The following GRIK1 variants were observed in gnomAD, a reference collection of about 807,000 sequenced individuals.
GRIK1 encodes glutamate receptor ionotropic, kainate 1.
In GRIK1, 69 loss-of-function variants were observed where a neutral mutation model predicts 105.7. The ratio of observed to expected loss-of-function variants is 0.65; its 90% CI spans 0.54 to 0.80. The LOEUF is 0.80. GRIK1 is among the 30% of genes least tolerant of loss of function. The probability of loss-of-function intolerance (pLI) is 0.00; values close to 1 mark genes in which losing one functional copy is unlikely to be tolerated. For synonymous variants in GRIK1, 438 were observed against 431.3 expected, an observed-to-expected ratio of 1.02 and a Z score of -0.19; for missense variants, 1,109 against 1,167.3, an observed-to-expected ratio of 0.95 and a Z score of 0.73.
chr21:29,575,571 C>T (rs1337098307), intron 14 of GRIK1, among the ~76,000 whole-genome samples: 2 of 152,082 alleles, frequency 1.3e-5, no homozygotes, highest in African/African-American at 2.4e-5. Context: ...TAGTGGCTCA[C>T]GCTTGCAATT....
At chr21:29,593,776 T>C (rs1375464469) in intron 9 of GRIK1, among the ~76,000 whole-genome samples, 2 of 152,220 alleles carry the variant, frequency 1.3e-5, no homozygotes, top group Admixed American at 6.5e-5. Context: ...GGAACTACCG[T>C]AATATTTGAA....
chr21:29,669,042 G>T (rs558285969), intron 4 of GRIK1, among the ~76,000 whole-genome samples: 1 of 152,126 alleles, frequency 6.6e-6, no homozygotes, highest in African/African-American at 2.4e-5. Context: ...CATGAAGAAA[G>T]TTCATATGAA....
In GRIK1 at chr21:29,591,300, AC is replaced by A. The variant is rs530045112; in HGVS notation, c.1252-76del. ...TACACCAAAGAGAGGCCCCTTCTCT[AC>A]CAGGAATGGGCACAAAAGCTCACAG... On this transcript the variant is annotated intron_variant, in intron 9 of 17. Transcript: ENST00000327783. 70 of 867,594 alleles carry A rather than the reference AC, an allele frequency of 8.1e-5. No homozygotes were observed. In the South Asian group the frequency reaches 9.0e-4, roughly 11 times the overall value. The allele number at this position is 867,594 out of a possible 1,614,324, so 53.7% of individuals were successfully genotyped here. A position where few individuals can be genotyped will look rare whatever the true frequency, so the allele number is the denominator to read the frequency against.
chr21:29,674,077 GTT>G (rs914431637), intron 3 of GRIK1, among the ~76,000 whole-genome samples: 1 of 137,970 alleles, frequency 7.2e-6, no homozygotes. Flanking sequence ...TTTTTTTGTT[GTT>G]TTTTTTTTTT....
intron 1 of GRIK1, among the ~76,000 whole-genome samples, chr21:29,910,880 T>A (rs2070791402): frequency 6.6e-6 from 1 of 152,082 alleles, no homozygotes; most frequent in East Asian, 1.9e-4. Flanking sequence ...ACAATTGATT[T>A]TTTTTTTTAC....
In GRIK1 at chr21:29,918,677, A is replaced by G. The variant is rs561467584; in HGVS notation, c.118+20706T>C. On this transcript the variant is annotated intron_variant, in intron 1 of 17. Coordinates refer to ENST00000327783, the MANE Select transcript of GRIK1 (RefSeq NM_001330994.2). ...ATGCTCTGGTAACTAACAGAAAAAT[A>G]AGCAAAGCAAATAAATAAATGTTCA... Among the ~76,000 whole-genome samples the G allele has an allele frequency of 2.9e-3, 447 of 152,246 alleles. 4 individuals are homozygous for G. The highest frequency in any genetic ancestry group is 0.01 in the African/African-American group (433 of 41,568).
chr21:29,632,585 T>C (rs933133673), intron 7 of GRIK1, among the ~76,000 whole-genome samples: 1 of 152,114 alleles, frequency 6.6e-6, no homozygotes, highest in African/African-American at 2.4e-5. Context: ...AATATGTATA[T>C]ATATATGTGT....
intron 3 of GRIK1, among the ~76,000 whole-genome samples, chr21:29,680,430 T>C (rs977281370): frequency 2.0e-5 from 3 of 152,238 alleles, no homozygotes; most frequent in African/African-American, 7.2e-5. Flanking sequence ...CTCCATCTCT[T>C]CCCTGGGTTT....
intron 1 of GRIK1, chr21:29,748,929 C>G (rs2145635334): frequency 6.6e-6 from 1 of 152,314 alleles, no homozygotes; most frequent in South Asian, 2.1e-4. Flanking sequence ...CTAATTCGAT[C>G]TGGAGTTAAG....
chr21:29,767,506 A>T (rs982619900), intron 1 of GRIK1, among the ~76,000 whole-genome samples: 2 of 151,736 alleles, frequency 1.3e-5, no homozygotes, highest in Non-Finnish European at 2.9e-5. Flanking sequence ...TTTGCTCAGG[A>T]GAAAGATGGA....
At chr21:29,604,881 C>A (rs896450164) in intron 7 of GRIK1, among the ~76,000 whole-genome samples, 2 of 152,088 alleles carry the variant, frequency 1.3e-5, no homozygotes, top group Admixed American at 6.5e-5. Context: ...TCATGAATAT[C>A]TTATTTGTAT....
chr21:29,646,458 A>T (rs2062621595), intron 6 of GRIK1, among the ~76,000 whole-genome samples: 1 of 151,654 alleles, frequency 6.6e-6, no homozygotes. Flanking sequence ...CTGTTGCTAT[A>T]AATCTGTCAT....
intron 14 of GRIK1, among the ~76,000 whole-genome samples, chr21:29,562,120 T>A (rs2090495640): frequency 1.3e-5 from 2 of 152,186 alleles, no homozygotes; most frequent in Admixed American, 1.3e-4. Flanking sequence ...GGTGACTAGC[T>A]CACTCCAGGA....
At chr21:29,791,598 T>C (rs1466103611) in intron 1 of GRIK1, among the ~76,000 whole-genome samples, 1 of 152,174 alleles carries the variant, frequency 6.6e-6, no homozygotes, top group Non-Finnish European at 1.5e-5. Context: ...AAAGCAAGCC[T>C]CAAGACTTTT....
chr21:29,551,786 T>C (rs1203879569), intron 16 of GRIK1, among the ~76,000 whole-genome samples: 2 of 152,162 alleles, frequency 1.3e-5, no homozygotes, highest in Non-Finnish European at 2.9e-5. Context: ...GGTAGCATTT[T>C]TGGTTTATTA....
chr21:29,740,158 A>G (rs1428560590), intron 1 of GRIK1, among the ~76,000 whole-genome samples: 1 of 152,142 alleles, frequency 6.6e-6, no homozygotes, highest in Non-Finnish European at 1.5e-5. Flanking sequence ...AATAGCATCA[A>G]TCCCCCACAT....
intron 7 of GRIK1, among the ~76,000 whole-genome samples, chr21:29,612,835 A>G (rs2146379533): frequency 6.6e-6 from 1 of 152,352 alleles, no homozygotes; most frequent in South Asian, 2.1e-4. Flanking sequence ...ATTGTTTACA[A>G]ACAAATTTTA....
chr21:29,745,704 C>T (rs952823244), intron 1 of GRIK1, among the ~76,000 whole-genome samples: 3 of 152,248 alleles, frequency 2.0e-5, no homozygotes, highest in South Asian at 4.1e-4. Context: ...GTATTTTGTG[C>T]GTCCTTGACA....
chr21:29,585,416 T>A (rs959388108), intron 12 of GRIK1, among the ~76,000 whole-genome samples: 20 of 152,202 alleles, frequency 1.3e-4, no homozygotes, highest in African/African-American at 4.8e-4. Flanking sequence ...TTTCAGCCTG[T>A]GTGCTTGTGA....
Sources: gnomAD v4.1 joint callset for allele counts (sites outside exome capture counted in the v4.1 genomes callset) on GRCh38, gnomAD v4.1.1 for gene constraint, MANE v1.5 for transcripts, NCBI Gene and HGNC (gene_info 2026-07-23, HGNC 2026-07-21) for gene names.